Variants in LBP observed in about 807,000 individuals in gnomAD.
LBP encodes the protein lipopolysaccharide binding protein, also known as lipopolysaccharide-binding protein.
A neutral mutation model predicts 56.6 loss-of-function variants in LBP; 53 were observed. That is an observed-to-expected ratio of 0.94 (90% CI 0.75 to 1.18). The LOEUF (loss-of-function observed/expected upper bound fraction) is 1.18. LBP is among the 50% of genes most tolerant of loss of function. The pLI is 0.00. For synonymous variants in LBP, 227 were observed against 247.5 expected, an observed-to-expected ratio of 0.92 and a Z score of 0.78; for missense variants, 601 against 598.3, an observed-to-expected ratio of 1.00 and a Z score of -0.05.
At chr20:38,350,495 CGGGGGTCATTAGATTCAT>C (rs1217801482) in intron 2 of LBP, among the ~76,000 whole-genome samples, 15 of 152,128 alleles carry the variant, frequency 9.9e-5, no homozygotes, top group Non-Finnish European at 1.8e-4. Flanking sequence ...AGGATGCCAC[CGGGGGTCATTAGATTCAT>C]GGGTTCTGAT....
Position 38,356,596 on chromosome 20 carries a change from C to T in LBP, c.588+1187C>T, listed in dbSNP as rs181244086. ...GTTCTGGGTCCCTGGGATTAAGTGACCCTGAGAAATATGCCAATCTACTCA... is the reference window on the plus strand; with the variant it reads ...GTTCTGGGTCCCTGGGATTAAGTGATCCTGAGAAATATGCCAATCTACTCA... On this transcript the variant is annotated intron_variant, in intron 5 of 14. Transcript: ENST00000217407. Among the ~76,000 whole-genome samples the T allele has an allele frequency of 5.1e-4, 78 of 152,222 alleles. 1 individual carries two copies. The highest frequency in any genetic ancestry group is 1.8e-3 in the African/African-American group (76 of 41,520).
rs1489807831 is a variant in LBP, at chr20:38,350,314, G to A, written c.240-497G>A. Among the ~76,000 whole-genome samples the A allele has an allele frequency of 2.0e-5, 3 of 152,266 alleles. No individual in the cohort carries two copies. The East Asian group carries it at 5.8e-4, about 29-fold the overall frequency. On this transcript the variant is annotated intron_variant, in intron 2 of 14. Transcript: ENST00000217407. ...TACTATGTGCCCGGCAAATAAAATA[G>A]AACTTGACCGTTCTTTTCCCACTGT...
intron 8 of LBP, among the ~76,000 whole-genome samples, chr20:38,366,533 C>T (rs760416617): frequency 6.6e-6 from 1 of 152,204 alleles, no homozygotes. Context: ...ACCTCACCCT[C>T]GCAGACCCTC....
In LBP at chr20:38,346,605, T is replaced by G; in HGVS notation, c.89T>G (p.Leu30Trp). 6.2e-7 allele frequency: 1 copy of G among 1,613,686 alleles called. No individual in the cohort carries two copies. The highest frequency in any genetic ancestry group is 2.2e-5 in the East Asian group (1 of 44,870). ...TPEALGANPG[L>W]VARITDKGLQ... The stretch of plus-strand genomic sequence containing the variant: ...GAGGCTCTGGGTGCCAACCCCGGCT[T>G]GGTCGCCAGGATCACCGACAAGGGA... Residue 30 changes from leucine (L) to tryptophan (W), a missense_variant, in exon 1 of 15, where the codon TTG (leucine) becomes TGG (tryptophan). Leu to Trp is a moderately conservative substitution (Grantham distance 61). Coordinates refer to ENST00000217407, the MANE Select transcript of LBP (RefSeq NM_004139.5).
At chr20:38,355,518 T>C in intron 5 of LBP, 109 bp downstream of exon 5, 1 of 988,226 alleles carries the variant, frequency 1.0e-6, no homozygotes, top group Non-Finnish European at 1.6e-6. Flanking sequence ...TTAGACGTAC[T>C]TGGGCCCAAA....
intron 12 of LBP, among the ~76,000 whole-genome samples, chr20:38,372,600 G>C (rs1013317527): frequency 2.0e-5 from 3 of 152,206 alleles, no homozygotes; most frequent in South Asian, 2.1e-4. Context: ...TCAGTTTCCC[G>C]ATATATGGAA....
At chr20:38,357,963 C>T (rs1022954576) in intron 5 of LBP, among the ~76,000 whole-genome samples, 2 of 152,188 alleles carry the variant, frequency 1.3e-5, no homozygotes, top group African/African-American at 4.8e-5. Flanking sequence ...GCACTCTCAT[C>T]GCCATCTTGG....
chr20:38,346,652 C>T lies in LBP; in HGVS notation c.124+12C>T. On this transcript the variant is annotated intron_variant, in intron 1 of 14. Transcript: ENST00000217407. Reference sequence around the variant, plus strand: ...GGGACTGCAGTATGGTAAGAAGCCACATCTGCTGGCTGGACTTGGCAAACC... The same window carrying T: ...GGGACTGCAGTATGGTAAGAAGCCATATCTGCTGGCTGGACTTGGCAAACC... 6.2e-7 allele frequency: 1 copy of T among 1,613,102 alleles called. No homozygotes were observed. The highest frequency in any genetic ancestry group is 8.5e-7 in the Non-Finnish European group (1 of 1,179,746).
intron 14 of LBP, 73 bp from the exon 15 acceptor site, chr20:38,376,552 C>T (rs1351946400): frequency 4.3e-5 from 60 of 1,398,510 alleles, no homozygotes; most frequent in Non-Finnish European, 5.6e-5. Flanking sequence ...CGTGGGCTCC[C>T]TTTCAATCGC....
rs113366471 is a variant in LBP at position 38,369,193 on chromosome 20, T to C, written c.1149+31T>C. 9.3e-5 allele frequency: 147 copies of C among 1,583,964 alleles called. 7 individuals carry two copies. The African/African-American group carries it at 1.2e-3, about 13-fold the overall frequency. On this transcript the variant is annotated intron_variant, in intron 10 of 14. Coordinates refer to ENST00000217407, the MANE Select transcript of LBP (RefSeq NM_004139.5). The stretch of plus-strand genomic sequence containing the variant: ...GTTCAGAGCCTTTGCAAATGCTGTT[T>C]CCTTTTCCCCACATGCTTTTCCCTT...
At chr20:38,352,974 A>T (rs898708961) in intron 3 of LBP, among the ~76,000 whole-genome samples, 1 of 152,084 alleles carries the variant, frequency 6.6e-6, no homozygotes, top group African/African-American at 2.4e-5. Flanking sequence ...TGTGGCTCTC[A>T]TTCTATTGCT....
chr20:38,365,711 A>ATATAT (rs1160522406), intron 8 of LBP, among the ~76,000 whole-genome samples: 6 of 38,586 alleles, frequency 1.6e-4, no homozygotes, highest in East Asian at 1.2e-3. Flanking sequence ...AAAAAAAAAA[A>ATATAT]AAAAAAATAT....
chr20:38,376,704 G>A lies in LBP; in HGVS notation c.*35G>A, dbSNP rs1298094950. ...AGATGAAGCTTGGAGGTCACAGCTG[G>A]ATCTGCTTGTTGCATTTCCAGCTGT... is the stretch of plus-strand genomic sequence containing the variant. On this transcript the variant is annotated 3_prime_UTR_variant, in exon 15 of 15. Transcript: ENST00000217407. The A allele has an allele frequency of 8.8e-6, 14 of 1,586,472 alleles. No homozygotes were observed. The South Asian group carries it at 1.4e-4, about 16-fold the overall frequency.
At position 38,370,738 on chromosome 20, in the gene LBP, G is replaced by T; in HGVS notation, c.1150G>T (p.Ala384Ser). 1 of 1,613,836 alleles carries T rather than the reference G, an allele frequency of 6.2e-7. No homozygotes were observed. The highest frequency in any genetic ancestry group is 1.1e-5 in the South Asian group (1 of 91,058). Residue 384 changes from alanine to serine, a missense_variant and splice_region_variant, in exon 11 of 15, where the codon GCC becomes TCC. Physicochemically the swap from Ala to Ser is moderately conservative, Grantham distance 99 (BLOSUM62 1). Transcript: ENST00000217407. ...TGCTTCCTTCTTCTGGCATTTCCAG[G>T]CCACTAATGTGTCCGCCACCTTGAC... ...SKEPVFRLSV[A>S]TNVSATLTFN...
intron 12 of LBP, among the ~76,000 whole-genome samples, chr20:38,372,745 T>A (rs2076904914): frequency 6.6e-6 from 1 of 152,158 alleles, no homozygotes; most frequent in Non-Finnish European, 1.5e-5. Context: ...AGAAGCTTAT[T>A]TTGTTTTTAT....
Position 38,350,821 on chromosome 20 carries a change from C to T in LBP, c.250C>T (p.His84Tyr). 1 of 1,606,650 alleles carries T rather than the reference C, an allele frequency of 6.2e-7. No homozygotes were observed. The highest frequency in any genetic ancestry group is 8.5e-7 in the Non-Finnish European group (1 of 1,174,350). Residue 84 changes from histidine (H) to tyrosine (Y), a missense_variant, in exon 3 of 15, where the codon CAC becomes TAC. By Grantham distance (83) the His-to-Tyr change is moderately conservative. Coordinates refer to ENST00000217407, the MANE Select transcript of LBP (RefSeq NM_004139.5). ...TGTCTCTCCCTTCAGCCTGAACATC[C>T]ACAGCTGTGAGCTGCTTCACTCTGC... ...GRYEFHSLNI[H>Y]SCELLHSALR...
intron 6 of LBP, among the ~76,000 whole-genome samples, chr20:38,363,259 C>G (rs1436231317): frequency 6.6e-6 from 1 of 152,160 alleles, no homozygotes; most frequent in South Asian, 2.1e-4. Context: ...AAACAGTTTT[C>G]CAAAGTGGTT....
intron 11 of LBP, among the ~76,000 whole-genome samples, chr20:38,371,039 A>G: frequency 6.6e-6 from 1 of 152,236 alleles, no homozygotes; most frequent in East Asian, 1.9e-4. Context: ...AGCCAGCTAT[A>G]TGAACTTCCT....
intron 3 of LBP, among the ~76,000 whole-genome samples, chr20:38,351,479 C>G (rs2076820326): frequency 6.6e-6 from 1 of 152,166 alleles, no homozygotes; most frequent in African/African-American, 2.4e-5. Context: ...CTCTGGCTCT[C>G]AGGCACTTTG....
Sources: allele counts gnomAD v4.1 joint callset (sites outside exome capture counted in the v4.1 genomes callset), GRCh38; gene constraint gnomAD v4.1.1; transcripts MANE v1.5; gene names NCBI Gene and HGNC (gene_info 2026-07-23, HGNC 2026-07-21).